The following LRRIQ3 variants were observed in gnomAD, a reference collection of about 807,000 sequenced individuals.
LRRIQ3 encodes the protein leucine-rich repeat and IQ domain-containing protein 3.
LRRIQ3 carries 75 observed loss-of-function variants against 59.3 expected under a neutral mutation model. The observed-to-expected ratio is 1.26, with a 90% CI of 1.05 to 1.53. The LOEUF (loss-of-function observed/expected upper bound fraction) is 1.53, where lower values mean the gene tolerates loss of function less well. Ranked by LOEUF, LRRIQ3 falls within the 40% of genes most tolerant of loss-of-function variation. The pLI is 0.00. For synonymous variants in LRRIQ3, 250 were observed against 231.3 expected (o/e 1.08, Z -0.73); for missense variants, 831 against 710.0 (o/e 1.17, Z -1.94).
intron 1 of LRRIQ3, among the ~76,000 whole-genome samples, chr1:74,189,135 C>A (rs760407680): frequency 6.5e-4 from 99 of 152,114 alleles, no homozygotes; most frequent in Non-Finnish European, 9.9e-4. Context: ...ATGAACCAGT[C>A]TTTCTTTCCA....
intron 4 of LRRIQ3, among the ~76,000 whole-genome samples, chr1:74,125,307 A>T (rs1007868819): frequency 5.3e-5 from 8 of 152,002 alleles, no homozygotes; most frequent in Non-Finnish European, 1.5e-5. Context: ...GCAAACAAAG[A>T]TAATTTGACT....
chr1:74,138,065 C>T (rs1353216539), intron 4 of LRRIQ3, among the ~76,000 whole-genome samples: 1 of 150,060 alleles, frequency 6.7e-6, no homozygotes, highest in Non-Finnish European at 1.5e-5. Flanking sequence ...ATGTTCTGCA[C>T]ATGTATCCCA....
At chr1:74,039,822 C>T (rs1309954044) in intron 7 of LRRIQ3, among the ~76,000 whole-genome samples, 1 of 152,180 alleles carries the variant, frequency 6.6e-6, no homozygotes, top group African/African-American at 2.4e-5. Flanking sequence ...GTACCAGCCA[C>T]TGCAAAAACA....
At chr1:74,133,370 C>A (rs984022556) in intron 4 of LRRIQ3, among the ~76,000 whole-genome samples, 4 of 151,912 alleles carry the variant, frequency 2.6e-5, no homozygotes, top group Non-Finnish European at 4.4e-5. Flanking sequence ...GGGTATATAC[C>A]CAAAGGATTA....
intron 7 of LRRIQ3, among the ~76,000 whole-genome samples, chr1:74,028,034 T>C (rs1012583061): frequency 6.6e-6 from 1 of 151,906 alleles, no homozygotes; most frequent in Non-Finnish European, 1.5e-5. Flanking sequence ...AGTCAGAAAG[T>C]GGAAGAGAAT....
At chr1:74,107,325 G>GT (rs1646628851) in intron 5 of LRRIQ3, among the ~76,000 whole-genome samples, 1 of 151,630 alleles carries the variant, frequency 6.6e-6, no homozygotes, top group African/African-American at 2.4e-5. Flanking sequence ...CTATTGTTTT[G>GT]TTTTTTATGA....
chr1:74,166,000 A>C (rs1648961845), intron 3 of LRRIQ3, among the ~76,000 whole-genome samples: 1 of 151,680 alleles, frequency 6.6e-6, no homozygotes, highest in African/African-American at 2.4e-5. Context: ...TATGCTCTTA[A>C]GGAATATTGA....
chr1:74,182,021 G>A (rs184729520), intron 3 of LRRIQ3: 4 of 151,726 alleles, frequency 2.6e-5, no homozygotes, highest in East Asian at 1.9e-4. Flanking sequence ...TATAAAGAAC[G>A]TTTCCTTATG....
At chr1:74,044,889 C>T (rs776670380) in intron 6 of LRRIQ3, among the ~76,000 whole-genome samples, 1 of 152,104 alleles carries the variant, frequency 6.6e-6, no homozygotes, top group Non-Finnish European at 1.5e-5. Flanking sequence ...CTGGACACTA[C>T]ACTCTTCCAA....
chr1:74,088,384 C>T (rs1226022899), intron 5 of LRRIQ3, among the ~76,000 whole-genome samples: 1 of 151,834 alleles, frequency 6.6e-6, no homozygotes, highest in South Asian at 2.1e-4. Context: ...CAAACTATAC[C>T]ATTGAAGATT....
intron 4 of LRRIQ3, among the ~76,000 whole-genome samples, chr1:74,118,532 T>G (rs986473140): frequency 7.9e-5 from 12 of 152,034 alleles, no homozygotes; most frequent in African/African-American, 2.4e-4. Flanking sequence ...TTGCTCTCTT[T>G]CTCTCTCGGT....
chr1:74,099,363 C>A (rs1646497085), intron 5 of LRRIQ3, among the ~76,000 whole-genome samples: 1 of 152,004 alleles, frequency 6.6e-6, no homozygotes, highest in Non-Finnish European at 1.5e-5. Context: ...CAGGAAGAAG[C>A]TGAATCCCTG....
At chr1:74,038,255 C>G (rs908007122) in intron 7 of LRRIQ3, among the ~76,000 whole-genome samples, 2 of 152,158 alleles carry the variant, frequency 1.3e-5, no homozygotes, top group African/African-American at 4.8e-5. Flanking sequence ...TGGGTGGGGT[C>G]TCCCTGCAGG....
At chr1:74,075,532 A>T (rs1570073640) in intron 5 of LRRIQ3, among the ~76,000 whole-genome samples, 1 of 151,498 alleles carries the variant, frequency 6.6e-6, no homozygotes, top group Non-Finnish European at 1.5e-5. Context: ...GCACCATTGC[A>T]CTCCAGCCTG....
intron 4 of LRRIQ3, among the ~76,000 whole-genome samples, chr1:74,146,197 ACAT>A (rs1321285486): frequency 1.3e-5 from 2 of 152,070 alleles, no homozygotes; most frequent in African/African-American, 4.8e-5. Flanking sequence ...TCACCTAACA[ACAT>A]GTTTCTCAGA....
chr1:74,111,794 G>C (rs11210415), intron 4 of LRRIQ3, among the ~76,000 whole-genome samples: 129,221 of 152,012 alleles, frequency 0.85, 55,788 homozygotes, highest in East Asian at 0.97. Flanking sequence ...ACAGAAGTTC[G>C]ACCCTGAATA....
chr1:74,109,117 C>T lies in LRRIQ3; in HGVS notation c.867+277G>A, dbSNP rs180947923. 150 of 198,490 alleles carry T rather than the reference C, an allele frequency of 7.6e-4. 4 individuals are homozygous for T. The East Asian group carries it at 0.011, about 15-fold the overall frequency. The allele number at this position is 198,490 out of a possible 1,614,324, so 12.3% of individuals were successfully genotyped here. On this transcript the variant is annotated intron_variant, in intron 5 of 7. Transcript: ENST00000354431. ...TTCAATCACTGAGAAGTGGTTTTTACGTTATTATTACTACTTGTAAAAACT... is the reference window on the plus strand; with the variant it reads ...TTCAATCACTGAGAAGTGGTTTTTATGTTATTATTACTACTTGTAAAAACT...
At chr1:74,170,766 G>C (rs560382522) in intron 3 of LRRIQ3, among the ~76,000 whole-genome samples, 1 of 152,016 alleles carries the variant, frequency 6.6e-6, no homozygotes, top group African/African-American at 2.4e-5. Flanking sequence ...CTTTGGGTGG[G>C]ATAGACATTT....
chr1:74,035,541 C>T (rs1431487520), intron 7 of LRRIQ3, among the ~76,000 whole-genome samples: 1 of 152,048 alleles, frequency 6.6e-6, no homozygotes, highest in Non-Finnish European at 1.5e-5. Context: ...AAAACCTTCA[C>T]CATAAAACAA....
Sources: allele counts gnomAD v4.1 joint callset (sites outside exome capture counted in the v4.1 genomes callset), GRCh38; gene constraint gnomAD v4.1.1; transcripts MANE v1.5; gene names NCBI Gene and HGNC (gene_info 2026-07-23, HGNC 2026-07-21).